The following NOL4L variants were observed in gnomAD, a reference collection of about 807,000 sequenced individuals.
NOL4L encodes the protein nucleolar protein 4-like.
NOL4L carries 7 observed loss-of-function variants against 64.5 expected under a neutral mutation model. The observed-to-expected ratio is 0.11, with a 90% CI of 0.06 to 0.20. NOL4L has a LOEUF of 0.20. Among genes scored for constraint, NOL4L ranks in the 10% least tolerant of loss-of-function variants. NOL4L has a pLI of 1.00. For missense variants in NOL4L, 680 were observed against 967.1 expected (o/e 0.70, Z 3.94); for synonymous variants, 413 against 401.0 (o/e 1.03, Z -0.36).
chr20:32,468,151 A>G (rs2014708649), intron 5 of NOL4L, among the ~76,000 whole-genome samples: 2 of 152,056 alleles, frequency 1.3e-5, no homozygotes, highest in Non-Finnish European at 2.9e-5. Context: ...GCTCAAGACC[A>G]TACTTCGGGG....
intron 10 of NOL4L, among the ~76,000 whole-genome samples, chr20:32,449,295 G>T (rs1162859349): frequency 6.6e-6 from 1 of 152,218 alleles, no homozygotes; most frequent in Non-Finnish European, 1.5e-5. Flanking sequence ...CAGCTACCCT[G>T]AAAGTTCTGA....
At chr20:32,526,110 T>C (rs2018124057) in intron 2 of NOL4L, among the ~76,000 whole-genome samples, 1 of 152,082 alleles carries the variant, frequency 6.6e-6, no homozygotes, top group Non-Finnish European at 1.5e-5. Flanking sequence ...AGGTTGGTCT[T>C]GAACTTCCAG....
intron 3 of NOL4L, among the ~76,000 whole-genome samples, chr20:32,513,650 C>G (rs1398059341): frequency 6.6e-6 from 1 of 152,010 alleles, no homozygotes; most frequent in African/African-American, 2.4e-5. Flanking sequence ...ACTGCTTGAC[C>G]CCAGGAGTTC....
chr20:32,517,788 C>T (rs2017738996), intron 3 of NOL4L, among the ~76,000 whole-genome samples: 1 of 152,224 alleles, frequency 6.6e-6, no homozygotes, highest in African/African-American at 2.4e-5. Flanking sequence ...TCCCCAGGCA[C>T]CCGCTGCGTC....
intron 1 of NOL4L, among the ~76,000 whole-genome samples, chr20:32,561,567 G>A (rs1979019630): frequency 2.0e-5 from 3 of 152,152 alleles, no homozygotes; most frequent in Admixed American, 6.5e-5. Context: ...TGGCTCTCAT[G>A]CCGGTGGCCC....
intron 3 of NOL4L, among the ~76,000 whole-genome samples, chr20:32,514,928 G>A (rs369590079): frequency 5.9e-5 from 9 of 152,220 alleles, no homozygotes; most frequent in East Asian, 1.9e-4. Flanking sequence ...CAGCACTCTC[G>A]CGGCCCCGGT....
chr20:32,511,058 G>A (rs1402691934), intron 4 of NOL4L, among the ~76,000 whole-genome samples: 3 of 152,174 alleles, frequency 2.0e-5, no homozygotes, highest in East Asian at 1.9e-4. Context: ...GGCCAGGGCT[G>A]CGGCTCCCTC....
At chr20:32,538,705 C>A (rs2018600016) in intron 1 of NOL4L, among the ~76,000 whole-genome samples, 1 of 152,218 alleles carries the variant, frequency 6.6e-6, no homozygotes, top group Non-Finnish European at 1.5e-5. Flanking sequence ...CCTCCGCTCT[C>A]CCCATCTCTC....
At chr20:32,567,571 G>A (rs925876884) in intron 1 of NOL4L, among the ~76,000 whole-genome samples, 2 of 152,210 alleles carry the variant, frequency 1.3e-5, no homozygotes, top group Non-Finnish European at 2.9e-5. Flanking sequence ...CCCCCACAGA[G>A]GGAGGAAACT....
chr20:32,559,581 G>A (rs1399825661), intron 1 of NOL4L, among the ~76,000 whole-genome samples: 1 of 152,168 alleles, frequency 6.6e-6, no homozygotes, highest in Non-Finnish European at 1.5e-5. Context: ...ATCAGCAAAT[G>A]GAGGCCTACA....
chr20:32,564,996 T>A (rs1979335008), intron 1 of NOL4L: 1 of 152,368 alleles, frequency 6.6e-6, no homozygotes, highest in African/African-American at 2.4e-5. Flanking sequence ...AGTATCTGCC[T>A]GAGCTGTGAC....
At chr20:32,517,716 C>T (rs759196908) in intron 3 of NOL4L, among the ~76,000 whole-genome samples, 21 of 152,218 alleles carry the variant, frequency 1.4e-4, no homozygotes, top group Non-Finnish European at 2.5e-4. Context: ...TGGACGTTGG[C>T]AGCCTTGTGT....
intron 4 of NOL4L, 177 bp downstream of exon 4, chr20:32,511,170 G>A (rs751881914): frequency 2.8e-5 from 15 of 539,376 alleles, no homozygotes; most frequent in Non-Finnish European, 3.7e-5. Flanking sequence ...ACCCTCTCAC[G>A]AGAAACACAT....
At chr20:32,457,776 G>A (rs866429909) in intron 5 of NOL4L, among the ~76,000 whole-genome samples, 6 of 152,180 alleles carry the variant, frequency 3.9e-5, no homozygotes, top group Non-Finnish European at 8.8e-5. Flanking sequence ...GGGCAGCTCC[G>A]GGCTCTGCTC....
chr20:32,498,784 A>G (rs926924439), intron 4 of NOL4L, among the ~76,000 whole-genome samples: 3 of 151,530 alleles, frequency 2.0e-5, no homozygotes, highest in East Asian at 1.9e-4. Context: ...AAAAAAAAAA[A>G]AAAGAAATGC....
chr20:32,476,242 A>G (rs1021501284), intron 4 of NOL4L, among the ~76,000 whole-genome samples: 1 of 127,950 alleles, frequency 7.8e-6, no homozygotes, highest in Non-Finnish European at 1.7e-5. Context: ...CACACGTTCA[A>G]AAGGCTCTGC....
At position 32,453,795 on chromosome 20, in the gene NOL4L, A is replaced by T. The variant is rs1459928446; in HGVS notation, c.1120-34T>A. ...AGGGCAAGAGGCAGAGGGTTGGGCCAAGCAGCTGCTCAAGCCCTTGCTGGG... is the reference window on the plus strand; with the variant it reads ...AGGGCAAGAGGCAGAGGGTTGGGCCTAGCAGCTGCTCAAGCCCTTGCTGGG... On this transcript the variant is annotated intron_variant, in intron 6 of 10. Transcript: ENST00000621426. This position sits in a 1 kb window ranked among gnomAD's most constrained non-coding sequence, Gnocchi z 5.6. The T allele has an allele frequency of 6.5e-7, 1 of 1,545,874 alleles. No homozygotes were observed. Among genetic ancestry groups the T allele is most frequent in the East Asian group, 2.4e-5 (1 of 40,888 alleles).
chr20:32,484,194 A>C (rs1469022411), intron 4 of NOL4L, among the ~76,000 whole-genome samples: 1 of 152,014 alleles, frequency 6.6e-6, no homozygotes, highest in African/African-American at 2.4e-5. Context: ...TCGGGTCCCC[A>C]GGGACGCGGG....
chr20:32,482,618 G>T (rs949563137), intron 4 of NOL4L, among the ~76,000 whole-genome samples: 2 of 151,246 alleles, frequency 1.3e-5, no homozygotes, highest in Non-Finnish European at 3.0e-5. Flanking sequence ...CCGCCCCGCC[G>T]TGTCCCCTCA....
Sources: gnomAD v4.1 joint callset for allele counts (sites outside exome capture counted in the v4.1 genomes callset) on GRCh38, gnomAD v4.1.1 for gene constraint, Gnocchi (gnomAD v3.1) non-coding constraint, MANE v1.5 for transcripts, NCBI Gene and HGNC (gene_info 2026-07-23, HGNC 2026-07-21) for gene names.